The following MSI2 variants were observed in gnomAD, a reference collection of about 807,000 sequenced individuals.
MSI2 encodes RNA-binding protein Musashi homolog 2.
A neutral mutation model predicts 45.6 loss-of-function variants in MSI2; 17 were observed. The ratio of observed to expected loss-of-function variants is 0.37; its 90% CI spans 0.26 to 0.56. The LOEUF (loss-of-function observed/expected upper bound fraction) is 0.56. Among genes scored for constraint, MSI2 ranks in the 20% least tolerant of loss-of-function variants. MSI2 has a pLI of 0.77. For synonymous variants in MSI2, 156 were observed against 158.2 expected (o/e 0.99, Z 0.11); for missense variants, 293 against 444.2 (o/e 0.66, Z 3.06).
intron 7 of MSI2, among the ~76,000 whole-genome samples, chr17:57,536,847 G>A (rs929821652): frequency 7.2e-5 from 11 of 152,184 alleles, no homozygotes; most frequent in Non-Finnish European, 1.3e-4. Context: ...TAAGTTCAGG[G>A]TCCTAGATGG....
chr17:57,357,009 C>G (rs1298250465), intron 5 of MSI2, among the ~76,000 whole-genome samples: 1 of 152,118 alleles, frequency 6.6e-6, no homozygotes, highest in African/African-American at 2.4e-5. Context: ...CCTCCCAGGC[C>G]AGCTGCCCAG....
chr17:57,449,990 C>T (rs2055802062), intron 6 of MSI2: 1 of 152,200 alleles, frequency 6.6e-6, no homozygotes, highest in Non-Finnish European at 1.5e-5. Context: ...AACACCACTG[C>T]ACTCTAGCCT....
At position 57,291,585 on chromosome 17, in the gene MSI2, A is replaced by G. The variant is rs189994423; in HGVS notation, c.312+29393A>G. Reference sequence around the variant, plus strand: ...AGGCTTATTGAAATAACAGCTAAACATGCTGCTTAGTACCATTAGGGGATG... The same window carrying G: ...AGGCTTATTGAAATAACAGCTAAACGTGCTGCTTAGTACCATTAGGGGATG... On this transcript the variant is annotated intron_variant, in intron 5 of 13. Coordinates refer to ENST00000284073, the MANE Select transcript of MSI2 (RefSeq NM_138962.4). 6.6e-5 allele frequency among the ~76,000 whole-genome samples: 10 copies of G among 152,298 alleles called. No individual in the cohort carries two copies. In the East Asian group the frequency reaches 1.9e-3, roughly 29 times the overall value.
chr17:57,385,263 G>A, intron 5 of MSI2, among the ~76,000 whole-genome samples: 1 of 152,124 alleles, frequency 6.6e-6, no homozygotes, highest in East Asian at 1.9e-4. Flanking sequence ...TCTTTGTTAT[G>A]GTCTGCAAGA....
chr17:57,549,312 CTTT>C (rs33917812), intron 7 of MSI2, among the ~76,000 whole-genome samples: 7 of 124,272 alleles, frequency 5.6e-5, no homozygotes, highest in Admixed American at 8.2e-5. Flanking sequence ...CCCCACTGCC[CTTT>C]TTTTTTTTTT....
At chr17:57,399,430 G>A (rs547018901) in intron 5 of MSI2, among the ~76,000 whole-genome samples, 2 of 152,304 alleles carry the variant, frequency 1.3e-5, no homozygotes, top group East Asian at 3.9e-4. Context: ...TTCAAGTTTG[G>A]GGTTAACCAG....
intron 7 of MSI2, among the ~76,000 whole-genome samples, chr17:57,561,585 C>T (rs1440653428): frequency 6.6e-6 from 1 of 152,194 alleles, no homozygotes; most frequent in Non-Finnish European, 1.5e-5. Context: ...CTGCTTTGAT[C>T]TTCTGGGCCC....
At chr17:57,583,867 A>T (rs1409039552) in intron 7 of MSI2, among the ~76,000 whole-genome samples, 2 of 152,176 alleles carry the variant, frequency 1.3e-5, no homozygotes, top group East Asian at 3.8e-4. Flanking sequence ...TGAGGATGGG[A>T]CCTGGACATC....
chr17:57,269,419 T>C (rs949248960), intron 5 of MSI2, among the ~76,000 whole-genome samples: 1 of 152,220 alleles, frequency 6.6e-6, no homozygotes, highest in Non-Finnish European at 1.5e-5. Context: ...GCGGATGCTG[T>C]TGCCTGGAGA....
chr17:57,688,920 T>C, downstream of MSI2, among the ~76,000 whole-genome samples: 1 of 152,166 alleles, frequency 6.6e-6, no homozygotes, highest in East Asian at 1.9e-4. Flanking sequence ...ATACAAATTT[T>C]CAAACAAAAC....
intron 5 of MSI2, chr17:57,364,881 GTTAT>G (rs1296406891): frequency 6.6e-6 from 1 of 151,838 alleles, no homozygotes; most frequent in Non-Finnish European, 1.5e-5. Flanking sequence ...AGATGGCTGG[GTTAT>G]TTATTTATTC....
rs543521843 is a variant in MSI2, at chr17:57,353,563, G to A, written c.313-47816G>A. ...TCTTATTTCCTTTGTTATTTAGGGA[G>A]TAGTTGGTGGAGATGTAGGTGGTAC... is the stretch of plus-strand genomic sequence containing the variant. On this transcript the variant is annotated intron_variant, in intron 5 of 13. Transcript: ENST00000284073. Among the ~76,000 whole-genome samples, 3 of 152,318 alleles carry A rather than the reference G, an allele frequency of 2.0e-5. No homozygotes were observed. The East Asian group carries it at 5.8e-4, about 29-fold the overall frequency.
At chr17:57,575,152 C>CA (rs572651369) in intron 7 of MSI2, among the ~76,000 whole-genome samples, 19 of 105,624 alleles carry the variant, frequency 1.8e-4, no homozygotes, top group Admixed American at 7.2e-4. Flanking sequence ...TTAACTCCCT[C>CA]CCCCCGCCAC....
At chr17:57,277,335 G>A (rs1026988992) in intron 5 of MSI2, among the ~76,000 whole-genome samples, 3 of 152,176 alleles carry the variant, frequency 2.0e-5, no homozygotes, top group African/African-American at 7.2e-5. Context: ...TGGGATTATA[G>A]GCATGAGCCA....
At chr17:57,586,023 T>C (rs1279962407) in intron 7 of MSI2, among the ~76,000 whole-genome samples, 1 of 152,262 alleles carries the variant, frequency 6.6e-6, no homozygotes, top group African/African-American at 2.4e-5. Flanking sequence ...AGAGTTTATA[T>C]TGGCACTTAA....
intron 5 of MSI2, among the ~76,000 whole-genome samples, chr17:57,339,243 G>C (rs1020266592): frequency 6.6e-6 from 1 of 152,216 alleles, no homozygotes; most frequent in Admixed American, 6.5e-5. Flanking sequence ...TGGTGGCTTC[G>C]CGTTTGGGCA....
At chr17:57,610,257 C>T (rs1907107816) in intron 8 of MSI2, among the ~76,000 whole-genome samples, 1 of 152,090 alleles carries the variant, frequency 6.6e-6, no homozygotes, top group South Asian at 2.1e-4. Context: ...TCGAGACCAG[C>T]CTGGCCAATG....
chr17:57,434,064 A>G (rs1440418628), intron 6 of MSI2, among the ~76,000 whole-genome samples: 2 of 152,188 alleles, frequency 1.3e-5, no homozygotes, highest in Non-Finnish European at 2.9e-5. Flanking sequence ...CCATCACTTC[A>G]CATACTTATC....
At chr17:57,359,416 A>G (rs1402006235) in intron 5 of MSI2, among the ~76,000 whole-genome samples, 1 of 152,248 alleles carries the variant, frequency 6.6e-6, no homozygotes, top group East Asian at 1.9e-4. Context: ...CTCCAAGTCC[A>G]GTTACCAACT....
Sources: gnomAD v4.1 joint callset for allele counts (sites outside exome capture counted in the v4.1 genomes callset) on GRCh38, gnomAD v4.1.1 for gene constraint, MANE v1.5 for transcripts, NCBI Gene and HGNC (gene_info 2026-07-23, HGNC 2026-07-21) for gene names.